The following HSPA12A variants were observed in gnomAD, a reference collection of about 807,000 sequenced individuals.
HSPA12A encodes the protein heat shock protein family A (Hsp70) member 12A.
HSPA12A carries 28 observed loss-of-function variants against 69.2 expected under a neutral mutation model. That is an observed-to-expected ratio of 0.40 (90% CI 0.30 to 0.55). The LOEUF (loss-of-function observed/expected upper bound fraction) is 0.55, where lower values mean the gene tolerates loss of function less well. Among genes scored for constraint, HSPA12A ranks in the 20% least tolerant of loss-of-function variants. HSPA12A has a pLI of 0.38. For missense variants in HSPA12A, 686 were observed against 900.7 expected (o/e 0.76, Z 3.05); for synonymous variants, 345 against 370.5 (o/e 0.93, Z 0.79).
chr10:116,797,349 T>C (rs1844850218), intron 2 of HSPA12A, among the ~76,000 whole-genome samples: 1 of 152,170 alleles, frequency 6.6e-6, no homozygotes, highest in African/African-American at 2.4e-5. Flanking sequence ...GCTTACAGTC[T>C]GACTAGGGGG....
intron 1 of HSPA12A, among the ~76,000 whole-genome samples, chr10:116,721,965 T>A (rs1554884424): frequency 7.2e-5 from 11 of 152,214 alleles, no homozygotes; most frequent in Non-Finnish European, 1.5e-5. Context: ...GTCTGGGGAA[T>A]GAGACTTTAT....
chr10:116,703,163 C>A (rs1232056790), intron 3 of HSPA12A, among the ~76,000 whole-genome samples: 2 of 152,114 alleles, frequency 1.3e-5, no homozygotes, highest in African/African-American at 4.8e-5. Flanking sequence ...ACACCAAGGG[C>A]GATGCTGTCA....
intron 1 of HSPA12A, among the ~76,000 whole-genome samples, chr10:116,738,419 G>A (rs1217239618): frequency 2.6e-5 from 4 of 152,150 alleles, no homozygotes; most frequent in Admixed American, 6.6e-5. Flanking sequence ...CGCCTTTCTC[G>A]GAAGAAAGAG....
chr10:116,682,107 A>ATTTT (rs1849424040), intron 7 of HSPA12A, among the ~76,000 whole-genome samples: 1 of 152,172 alleles, frequency 6.6e-6, no homozygotes, highest in Admixed American at 6.5e-5. Flanking sequence ...CCCAGCTGAA[A>ATTTT]AGCCCACCCT....
chr10:116,749,196 A>G (rs1217634881), intron 2 of HSPA12A, among the ~76,000 whole-genome samples: 3 of 152,230 alleles, frequency 2.0e-5, no homozygotes, highest in African/African-American at 7.2e-5. Flanking sequence ...CCCATAGCCC[A>G]GTGCCGAATG....
Position 116,836,768 on chromosome 10 carries a change from A to AACAT in HSPA12A, c.4-1747_4-1746insATGT, listed in dbSNP as rs778091882. 2.4e-3 allele frequency among the ~76,000 whole-genome samples: 351 copies of AACAT among 146,606 alleles called. 2 individuals are homozygous for AACAT. The South Asian group carries it at 0.024, about 10-fold the overall frequency. ...GTGTAGAATTGTGGTAAACGAACCG[A>AACAT]ACACACACACACACACACACACACA... On this transcript the variant is annotated intron_variant, in intron 1 of 12. Transcript: ENST00000635765.
intron 1 of HSPA12A, among the ~76,000 whole-genome samples, chr10:116,739,890 C>A (rs554631118): frequency 6.6e-6 from 1 of 152,150 alleles, no homozygotes; most frequent in South Asian, 2.1e-4. Flanking sequence ...CCCCACCCCA[C>A]CCCAACTGCA....
chr10:116,772,643 GTTC>G (rs1844236992), intron 2 of HSPA12A, among the ~76,000 whole-genome samples: 1 of 151,944 alleles, frequency 6.6e-6, no homozygotes, highest in Non-Finnish European at 1.5e-5. Flanking sequence ...AAAGCCTGTG[GTTC>G]TTCTTTTTCT....
intron 2 of HSPA12A, among the ~76,000 whole-genome samples, chr10:116,778,870 G>A (rs1409338020): frequency 6.6e-6 from 1 of 152,236 alleles, no homozygotes. Flanking sequence ...AGGACGCTGA[G>A]GCTGCAGTGA....
At chr10:116,765,321 C>T (rs146598271) in intron 2 of HSPA12A, among the ~76,000 whole-genome samples, 1 of 151,544 alleles carries the variant, frequency 6.6e-6, no homozygotes, top group Non-Finnish European at 1.5e-5. Flanking sequence ...CCTGAAACAT[C>T]AAAAAAAATT....
At chr10:116,844,426 A>G (rs1479082726) in intron 1 of HSPA12A, among the ~76,000 whole-genome samples, 2 of 152,232 alleles carry the variant, frequency 1.3e-5, no homozygotes, top group Admixed American at 1.3e-4. Context: ...TCCTACTTTT[A>G]TTACTTAGCA....
upstream of HSPA12A, chr10:116,849,780 G>A (rs1050192157): frequency 1.9e-5 from 28 of 1,459,564 alleles, no homozygotes; most frequent in East Asian, 7.7e-5. Flanking sequence ...CTCTCCCCCC[G>A]CCCCGCGCTG....
chr10:116,716,487 C>T (rs1850610143), intron 1 of HSPA12A, among the ~76,000 whole-genome samples: 2 of 152,076 alleles, frequency 1.3e-5, no homozygotes, highest in Non-Finnish European at 2.9e-5. Flanking sequence ...TGTGTGCATG[C>T]ATGTGCTCCT....
intron 2 of HSPA12A, among the ~76,000 whole-genome samples, chr10:116,801,085 C>A (rs960619853): frequency 6.6e-6 from 1 of 152,100 alleles, no homozygotes; most frequent in African/African-American, 2.4e-5. Context: ...TCTGTAAAAC[C>A]TACAATTTTA....
chr10:116,823,337 AAGAT>A (rs1330504490), intron 2 of HSPA12A, among the ~76,000 whole-genome samples: 4 of 152,238 alleles, frequency 2.6e-5, no homozygotes, highest in Non-Finnish European at 4.4e-5. Context: ...CATGGATGAG[AAGAT>A]TTTTAATACC....
chr10:116,747,399 C>T (rs189367495), upstream of HSPA12A, among the ~76,000 whole-genome samples: 524 of 152,340 alleles, frequency 3.4e-3, 2 homozygotes, highest in Non-Finnish European at 4.7e-3. Context: ...CAGCCACATT[C>T]TCAGAACTGC....
At chr10:116,808,150 G>A (rs942670343) in intron 2 of HSPA12A, among the ~76,000 whole-genome samples, 2 of 152,146 alleles carry the variant, frequency 1.3e-5, no homozygotes, top group Admixed American at 6.5e-5. Flanking sequence ...CAGGGCTTTT[G>A]GAGGAATATA....
At chr10:116,681,720 C>A (rs567353759) in intron 8 of HSPA12A, 71 bp downstream of exon 8, 1 of 1,396,396 alleles carries the variant, frequency 7.2e-7, no homozygotes, top group Non-Finnish European at 1.0e-6. Context: ...GCAAAAGGGA[C>A]AAATGGGAAT....
At chr10:116,783,476 G>A (rs1844508326) in intron 2 of HSPA12A, among the ~76,000 whole-genome samples, 1 of 152,184 alleles carries the variant, frequency 6.6e-6, no homozygotes, top group African/African-American at 2.4e-5. Context: ...GGTGGACTTG[G>A]CTGGAGCACA....
Sources: gnomAD v4.1 joint callset for allele counts (sites outside exome capture counted in the v4.1 genomes callset) on GRCh38, gnomAD v4.1.1 for gene constraint, MANE v1.5 for transcripts, NCBI Gene and HGNC (gene_info 2026-07-23, HGNC 2026-07-21) for gene names.